DNM1L: variants seen among roughly 807,000 people sequenced by gnomAD.
The protein encoded by DNM1L is dynamin-1-like protein.
A neutral mutation model predicts 92.8 loss-of-function variants in DNM1L; 33 were observed. The ratio of observed to expected loss-of-function variants is 0.36; its 90% confidence interval spans 0.27 to 0.48. The LOEUF is 0.48. Ranked by LOEUF, DNM1L falls within the 20% of genes least tolerant of loss-of-function variation. The pLI is 0.99. For synonymous variants in DNM1L, 284 were observed against 305.0 expected, an observed-to-expected ratio of 0.93 and a Z score of 0.72; for missense variants, 485 against 888.8, an observed-to-expected ratio of 0.55 and a Z score of 5.78.
intron 6 of DNM1L, among the ~76,000 whole-genome samples, chr12:32,716,252 T>C (rs1451155630): frequency 4.2e-5 from 6 of 144,464 alleles, no homozygotes; most frequent in Admixed American, 1.4e-4. Flanking sequence ...TGGGGGGGGG[T>C]GGCAATGTCT....
chr12:32,714,270 AT>A (rs764641583), intron 6 of DNM1L, among the ~76,000 whole-genome samples: 3,417 of 134,590 alleles, frequency 0.025, 68 homozygotes, highest in African/African-American at 0.079. Context: ...CACTTTAACA[AT>A]TTTTTTTTTT....
At chr12:32,689,426 T>C (rs60192788) in intron 1 of DNM1L, among the ~76,000 whole-genome samples, 1,527 of 152,260 alleles carry the variant, frequency 0.01, 32 homozygotes, top group African/African-American at 0.034. Context: ...CAACCTCAGG[T>C]GATCTGCCCG....
chr12:32,712,758 A>G (rs189485676), intron 5 of DNM1L, among the ~76,000 whole-genome samples: 1 of 151,246 alleles, frequency 6.6e-6, no homozygotes, highest in Admixed American at 6.6e-5. Flanking sequence ...TCTGTATACT[A>G]TATATATGTT....
intron 1 of DNM1L, among the ~76,000 whole-genome samples, chr12:32,682,163 G>A (rs1476277887): frequency 6.6e-6 from 1 of 150,458 alleles, no homozygotes; most frequent in Non-Finnish European, 1.5e-5. Flanking sequence ...ACCGAGTTTC[G>A]CTCTTGTTGC....
At chr12:32,711,068 T>TC (rs1953107095) in intron 5 of DNM1L, 53 bp downstream of exon 5, 1 of 1,445,724 alleles carries the variant, frequency 6.9e-7, no homozygotes, top group East Asian at 2.3e-5. Context: ...TTCGTTGACA[T>TC]CCCATATGAG....
At chr12:32,693,016 A>G (rs1406175307) in intron 1 of DNM1L, among the ~76,000 whole-genome samples, 1 of 152,220 alleles carries the variant, frequency 6.6e-6, no homozygotes, top group Admixed American at 6.5e-5. Flanking sequence ...TACTGCGGAT[A>G]TTCATATAAA....
At chr12:32,733,620 G>A (rs1020917419) in intron 12 of DNM1L, 95 bp from the exon 13 acceptor site, 14 of 966,342 alleles carry the variant, frequency 1.4e-5, no homozygotes, top group African/African-American at 3.3e-5. Flanking sequence ...GTACTTTTTC[G>A]GTATTGTCTG....
chr12:32,706,811 A>C (rs1952945477), intron 2 of DNM1L: 1 of 404,268 alleles, frequency 2.5e-6, no homozygotes, highest in African/African-American at 2.1e-5. Context: ...TTGTGGCTCT[A>C]CAGGTAACCA....
At chr12:32,687,186 A>G (rs542924010) in intron 1 of DNM1L, among the ~76,000 whole-genome samples, 4 of 151,670 alleles carry the variant, frequency 2.6e-5, no homozygotes, top group Admixed American at 6.6e-5. Flanking sequence ...ATGGTGTCAT[A>G]TCTAAGGCAT....
At chr12:32,705,756 T>C in intron 2 of DNM1L, 1 of 1,431,672 alleles carries the variant, frequency 7.0e-7, no homozygotes, top group South Asian at 1.2e-5. Context: ...ACATTTGAAT[T>C]TTTAATAAGG....
intron 14 of DNM1L, chr12:32,737,381 AGCAT>A: frequency 1.9e-6 from 1 of 522,042 alleles, no homozygotes; most frequent in Non-Finnish European, 3.3e-6. Context: ...AGTAGATTTA[AGCAT>A]TTATTTAAGC....
In DNM1L at chr12:32,697,057, C is replaced by T. The variant is rs1012237531; in HGVS notation, c.103-4358C>T. Reference sequence around the variant, plus strand: ...CAGCCTGGCCAACACGGTGAAACCCCGTCTCTACTAAAAATACAAAAATTA... The same window carrying T: ...CAGCCTGGCCAACACGGTGAAACCCTGTCTCTACTAAAAATACAAAAATTA... On this transcript the variant is annotated intron_variant, in intron 1 of 19. Coordinates refer to ENST00000549701, the MANE Select transcript of DNM1L (RefSeq NM_012062.5). Among the ~76,000 whole-genome samples, 7 of 151,162 alleles carry T rather than the reference C, an allele frequency of 4.6e-5. No homozygotes were observed. In the South Asian group the frequency reaches 6.3e-4, roughly 14 times the overall value.
chr12:32,710,890 T>C lies in DNM1L; in HGVS notation c.370-39T>C, dbSNP rs11052197. ...TGAAATGAAGTTTATTACTTCATAG[T>C]TCATTGAAATTTTAATATATTTTAA... On this transcript the variant is annotated intron_variant, in intron 4 of 19. Transcript: ENST00000549701. The C allele has an allele frequency of 0.13, 190,681 of 1,424,602 alleles. 13,349 individuals carry two copies. The highest frequency in any genetic ancestry group is 0.18 in the Middle Eastern group (900 of 4,920). The allele number at this position is 1,424,602 out of a possible 1,614,324, so 88.2% of individuals were successfully genotyped here.
intron 1 of DNM1L, among the ~76,000 whole-genome samples, chr12:32,697,583 A>G (rs1952520672): frequency 6.6e-6 from 1 of 152,246 alleles, no homozygotes; most frequent in Non-Finnish European, 1.5e-5. Flanking sequence ...TTCTGTCACA[A>G]ACTGTCATTG....
At position 32,737,923 on chromosome 12, in the gene DNM1L, C is replaced by A; in HGVS notation, c.1655C>A (p.Ser552Tyr). The A allele has an allele frequency of 1.2e-6, 2 of 1,613,956 alleles. No individual in the cohort carries two copies. The highest frequency in any genetic ancestry group is 2.2e-5 in the South Asian group (2 of 91,066). ...TCCCAGGAGCCCTCCCCCGCTGCTT[C>A]TGCTGAGGCTGATGGCAAGGTCTGT... ...PASQEPSPAA[S>Y]AEADGKLIQD... Residue 552 changes from serine (S) to tyrosine (Y), a missense_variant, in exon 15 of 20, where the codon TCT (serine) becomes TAT (tyrosine). Ser to Tyr is a moderately radical substitution (Grantham distance 144). This residue lies in a region of DNM1L where 65 missense variants were observed against 59.4 expected (regional missense o/e 1.09). Transcript: ENST00000549701.
intron 2 of DNM1L, among the ~76,000 whole-genome samples, chr12:32,705,192 G>A (rs1165212982): frequency 9.2e-5 from 14 of 151,676 alleles, no homozygotes; most frequent in Non-Finnish European, 1.5e-4. Context: ...TAGTAGAGAC[G>A]GGGTTTTGCC....
intron 1 of DNM1L, among the ~76,000 whole-genome samples, chr12:32,681,883 G>A (rs1951819863): frequency 6.6e-6 from 1 of 151,588 alleles, no homozygotes; most frequent in South Asian, 2.1e-4. Context: ...AGTGTGTGCC[G>A]GTAGTCCCAG....
chr12:32,698,285 TGAG>T (rs750129187), intron 1 of DNM1L, among the ~76,000 whole-genome samples: 5 of 152,120 alleles, frequency 3.3e-5, no homozygotes, highest in Non-Finnish European at 7.4e-5. Context: ...GATGTGGAAA[TGAG>T]GAGCCCTGGC....
rs370524523 is a variant in DNM1L at position 32,744,713 on chromosome 12, C to CAA, written c.*1314_*1315dup. ...TGGCAACAAGAGCGAAACTCCGTCT[C>CAA]AAAAAAAAAAAATAAAACAACACCC... is the stretch of plus-strand genomic sequence containing the variant. On this transcript the variant is annotated 3_prime_UTR_variant, in exon 20 of 20. Transcript: ENST00000549701. 3.0e-3 allele frequency: 906 copies of CAA among 304,908 alleles called. No individual in the cohort carries two copies. Among genetic ancestry groups the CAA allele is most frequent in the Admixed American group, 4.0e-3 (85 of 21,326 alleles). The allele number at this position is 304,908 out of a possible 1,614,324, so 18.9% of individuals were successfully genotyped here. A position where few individuals can be genotyped will look rare whatever the true frequency, so the allele number is the denominator to read the frequency against.
Sources: gnomAD v4.1 joint callset for allele counts (sites outside exome capture counted in the v4.1 genomes callset) on GRCh38, gnomAD v4.1.1 for gene constraint, gnomAD v4.1.1 regional missense constraint, MANE v1.5 for transcripts, NCBI Gene and HGNC (gene_info 2026-07-23, HGNC 2026-07-21) for gene names.